WLS: variants seen among roughly 807,000 people sequenced by gnomAD.
WLS encodes protein wntless homolog.
Under a neutral mutation model 62.8 loss-of-function variants are expected in WLS, and 23 were observed. The observed-to-expected ratio is 0.37, with a 90% confidence interval of 0.26 to 0.52. The LOEUF (loss-of-function observed/expected upper bound fraction) is 0.52, where lower values mean the gene tolerates loss of function less well. Ranked by LOEUF, WLS falls within the 20% of genes least tolerant of loss-of-function variation. The pLI, the probability that WLS is intolerant of heterozygous loss-of-function variation, is 0.92. For missense variants in WLS, 615 were observed against 697.3 expected (o/e 0.88, Z 1.33); for synonymous variants, 246 against 244.1 (o/e 1.01, Z -0.07).
At chr1:68,226,486 T>A (rs567528408) in intron 1 of WLS, among the ~76,000 whole-genome samples, 3 of 152,346 alleles carry the variant, frequency 2.0e-5, no homozygotes, top group South Asian at 2.1e-4. Context: ...TATTAATATA[T>A]CTATTTCAAG....
At chr1:68,205,602 T>TCA (rs1414106886) in intron 1 of WLS, among the ~76,000 whole-genome samples, 1 of 152,206 alleles carries the variant, frequency 6.6e-6, no homozygotes, top group Non-Finnish European at 1.5e-5. Flanking sequence ...AATAAAATGT[T>TCA]CACATCTCAG....
intron 2 of WLS, among the ~76,000 whole-genome samples, chr1:68,161,210 C>T (rs1440231149): frequency 1.3e-5 from 2 of 152,244 alleles, no homozygotes; most frequent in East Asian, 1.9e-4. Flanking sequence ...GTGAGAGATG[C>T]TTCTCTGTAC....
At chr1:68,182,209 T>C (rs1474036960) in intron 2 of WLS, among the ~76,000 whole-genome samples, 2 of 152,226 alleles carry the variant, frequency 1.3e-5, no homozygotes, top group East Asian at 3.8e-4. Context: ...TGTTTCTGAA[T>C]TGGAATTTTT....
chr1:68,214,514 G>A (rs902067603), intron 1 of WLS, among the ~76,000 whole-genome samples: 1 of 152,078 alleles, frequency 6.6e-6, no homozygotes, highest in African/African-American at 2.4e-5. Context: ...ACAGGCAGGT[G>A]AAACCACATT....
chr1:68,195,831 C>T (rs1050080340), intron 1 of WLS, among the ~76,000 whole-genome samples: 10 of 151,956 alleles, frequency 6.6e-5, no homozygotes, highest in African/African-American at 2.4e-4. Flanking sequence ...AATATTTAAA[C>T]AGTTGATCCA....
intron 2 of WLS, among the ~76,000 whole-genome samples, chr1:68,168,163 A>AGGGCAGCT (rs1647089681): frequency 6.6e-6 from 1 of 152,068 alleles, no homozygotes. Context: ...CAAGAAATCT[A>AGGGCAGCT]GGGCAGCTGC....
chr1:68,158,590 TA>T (rs78536788), intron 3 of WLS, among the ~76,000 whole-genome samples: 1,974 of 139,328 alleles, frequency 0.014, 12 homozygotes, highest in African/African-American at 0.021. Context: ...GCTGATGAGC[TA>T]AAAAAAAAAA....
Position 68,232,228 on chromosome 1 carries a change from G to T in WLS, c.72C>A (p.Phe24Leu), listed in dbSNP as rs1650463028. The change falls in exon 1 of 12, where the codon TTC (phenylalanine) becomes TTA (leucine). Residue 24 changes from phenylalanine to leucine, a missense_variant. Physicochemically the swap from Phe to Leu is conservative, Grantham distance 22. Coordinates refer to ENST00000262348, the MANE Select transcript of WLS (RefSeq NM_024911.7). ...CTCCCACCAGAAAGGCGATGATTTGGAACACGAGCAGAATCCCACCAACAA... is the reference window on the plus strand; with the variant it reads ...CTCCCACCAGAAAGGCGATGATTTGTAACACGAGCAGAATCCCACCAACAA... The part of the protein sequence containing the change: ...LCIVGGILLV[F>L]QIIAFLVGGL... 1.9e-6 allele frequency: 3 copies of T among 1,614,136 alleles called. No individual in the cohort carries two copies. The highest frequency in any genetic ancestry group is 2.5e-6 in the Non-Finnish European group (3 of 1,180,026).
At chr1:68,217,315 C>T (rs1017403144) in intron 1 of WLS, among the ~76,000 whole-genome samples, 4 of 152,162 alleles carry the variant, frequency 2.6e-5, no homozygotes, top group South Asian at 2.1e-4. Context: ...AACAGCATTC[C>T]GCCTTTCTAC....
chr1:68,107,036 A>G (rs915886373), intron 11 of WLS, among the ~76,000 whole-genome samples: 6 of 152,232 alleles, frequency 3.9e-5, no homozygotes, highest in African/African-American at 1.4e-4. Flanking sequence ...AGATTAGCAT[A>G]AAGAAAATGA....
intron 11 of WLS, among the ~76,000 whole-genome samples, chr1:68,110,223 ATTTAAT>A (rs1339442691): frequency 6.6e-6 from 1 of 151,866 alleles, no homozygotes; most frequent in Non-Finnish European, 1.5e-5. Context: ...TTTTTAAAAA[ATTTAAT>A]TTAAAATTAA....
At chr1:68,232,091 T>C (rs991324702) in intron 1 of WLS, 103 bp downstream of exon 1, 38 of 1,490,658 alleles carry the variant, frequency 2.5e-5, no homozygotes, top group African/African-American at 2.0e-4. Flanking sequence ...AATTAGATCA[T>C]AGAAGCAAGG....
At chr1:68,144,695 A>C in intron 9 of WLS, 43 bp from the exon 10 acceptor site, 1 of 1,480,734 alleles carries the variant, frequency 6.8e-7, no homozygotes. Context: ...ATCAGCTACC[A>C]ATCCTTTTCT....
At chr1:68,230,937 G>C (rs1650382246) in intron 1 of WLS, among the ~76,000 whole-genome samples, 2 of 152,238 alleles carry the variant, frequency 1.3e-5, no homozygotes, top group African/African-American at 4.8e-5. Flanking sequence ...GACGCCGCCG[G>C]CGCCCCCGGG....
In WLS at chr1:68,170,160, C is replaced by CTTTT. The variant is rs571306573; in HGVS notation, c.380-10917_380-10914dup. ...ACTCAGTCAATGCTGGCTACTATTT[C>CTTTT]TTTTTTTTTTTTTTTTTTTTTTGAG... On this transcript the variant is annotated intron_variant, in intron 2 of 11. Transcript: ENST00000262348. 1.9e-3 allele frequency among the ~76,000 whole-genome samples: 162 copies of CTTTT among 86,748 alleles called. 1 individual carries two copies. Among genetic ancestry groups the CTTTT allele is most frequent in the East Asian group, 2.9e-3 (8 of 2,798 alleles). 56.9% of individuals were successfully genotyped at this position (86,748 alleles called of 152,430 possible). A position where few individuals can be genotyped will look rare whatever the true frequency, so the allele number is the denominator to read the frequency against.
chr1:68,119,654 C>T (rs929139242), intron 11 of WLS, among the ~76,000 whole-genome samples: 3 of 152,214 alleles, frequency 2.0e-5, no homozygotes, highest in Admixed American at 6.5e-5. Flanking sequence ...CTTTGCATTC[C>T]CTTCTTCTCA....
intron 5 of WLS, among the ~76,000 whole-genome samples, chr1:68,151,198 A>G (rs902369839): frequency 6.6e-6 from 1 of 152,184 alleles, no homozygotes; most frequent in Non-Finnish European, 1.5e-5. Context: ...GGAAGTGGAA[A>G]GGGTGTTTGG....
At chr1:68,137,653 C>G in intron 11 of WLS, 127 bp downstream of exon 11, 1 of 1,091,566 alleles carries the variant, frequency 9.2e-7, no homozygotes, top group Non-Finnish European at 1.3e-6. Context: ...TCACCGTCTC[C>G]CAGTGTGAGG....
intron 11 of WLS, among the ~76,000 whole-genome samples, chr1:68,111,820 T>C (rs546987540): frequency 3.9e-5 from 6 of 152,320 alleles, no homozygotes; most frequent in Admixed American, 6.5e-5. Context: ...TATGTCCTGC[T>C]TGGGGGGCTG....
Sources: allele counts gnomAD v4.1 joint callset (sites outside exome capture counted in the v4.1 genomes callset), GRCh38; gene constraint gnomAD v4.1.1; transcripts MANE v1.5; gene names NCBI Gene and HGNC (gene_info 2026-07-23, HGNC 2026-07-21).